Variants in FCAMR observed in about 807,000 individuals in gnomAD.
The protein encoded by FCAMR is Fc alpha and mu receptor.
Under a neutral mutation model 52.2 loss-of-function variants are expected in FCAMR, and 51 were observed. The ratio of observed to expected loss-of-function variants is 0.98; its 90% CI spans 0.78 to 1.23. The LOEUF is 1.23. Ranked by LOEUF, FCAMR falls within the 50% of genes most tolerant of loss-of-function variation. The pLI is 0.00. For missense variants in FCAMR, 719 were observed against 712.6 expected, an observed-to-expected ratio of 1.01 and a Z score of -0.10; for synonymous variants, 282 against 262.0, an observed-to-expected ratio of 1.08 and a Z score of -0.74.
At position 206,959,724 on chromosome 1, in the gene FCAMR, T is replaced by C; in HGVS notation, c.1528A>G (p.Met510Val). The C allele has an allele frequency of 6.2e-7, 1 of 1,614,052 alleles. No homozygotes were observed. The highest frequency in any genetic ancestry group is 1.3e-5 in the African/African-American group (1 of 74,974). The change falls in exon 7 of 8, where the codon ATG becomes GTG. Residue 510 changes from methionine to valine, a missense_variant. Physicochemically the swap from Met to Val is conservative, Grantham distance 21. Coordinates refer to ENST00000324852, the MANE Select transcript of FCAMR (RefSeq NM_001170631.2). ...VSTMLALFML[M>V]ALVLLQRKLW... ...TTCCTTTGCAATAGAACCAGAGCCA[T>C]AAGCATAAACAGGGCCAGCATGGTA...
At chr1:206,968,854 C>T (rs756253596) in intron 1 of FCAMR, among the ~76,000 whole-genome samples, 13 of 152,138 alleles carry the variant, frequency 8.5e-5, no homozygotes, top group Non-Finnish European at 1.8e-4. Flanking sequence ...GCAAGTTGTC[C>T]CCTCAGCTTG....
intron 7 of FCAMR, 54 bp downstream of exon 7, chr1:206,959,625 G>C (rs1680410358): frequency 7.1e-6 from 10 of 1,409,244 alleles, no homozygotes; most frequent in Non-Finnish European, 1.0e-5. Flanking sequence ...AGCCCTGAGG[G>C]TGTCAGGTGG....
intron 4 of FCAMR, 96 bp from the exon 5 acceptor site, chr1:206,962,647 A>G (rs1415734875): frequency 1.2e-5 from 12 of 999,700 alleles, no homozygotes; most frequent in Non-Finnish European, 1.7e-5. Flanking sequence ...ATTAGGGGTC[A>G]AGTCAGAAAA....
At chr1:206,958,739 T>C in intron 7 of FCAMR, 63 bp from the exon 8 acceptor site, 2 of 1,603,002 alleles carry the variant, frequency 1.2e-6, no homozygotes, top group South Asian at 2.2e-5. Flanking sequence ...TTTGATTTCC[T>C]AAGAACCACT....
At position 206,960,453 on chromosome 1, in the gene FCAMR, C is replaced by T. The variant is rs1239892388; in HGVS notation, c.1423G>A (p.Gly475Arg). The part of the protein sequence containing the change: ...LSQTPAVGPW[G>R]PPGKESSVKR... ...ACGGAGGACTCCTTGCCAGGGGGTC[C>T]CCAGGGTCCTACTGCCGGGGTCTGG... The change falls in exon 6 of 8, where the codon GGA (glycine) becomes AGA (arginine). Residue 475 changes from glycine to arginine, a missense_variant. By Grantham distance (125) the Gly-to-Arg change is moderately radical. Coordinates refer to ENST00000324852, the MANE Select transcript of FCAMR (RefSeq NM_001170631.2). 2.6e-6 allele frequency: 4 copies of T among 1,522,186 alleles called. No individual in the cohort carries two copies. The South Asian group carries it at 3.8e-5, about 15-fold the overall frequency. 94.3% of individuals were successfully genotyped at this position (1,522,186 alleles called of 1,614,324 possible).
In FCAMR at chr1:206,960,450, G is replaced by A. The variant is rs894552726; in HGVS notation, c.1426C>T (p.Pro476Ser). 10 of 1,515,622 alleles carry A rather than the reference G, an allele frequency of 6.6e-6. No individual in the cohort carries two copies. Among genetic ancestry groups the A allele is most frequent in the South Asian group, 6.4e-5 (5 of 77,612 alleles). The allele number at this position is 1,515,622 out of a possible 1,614,324, so 93.9% of individuals were successfully genotyped here. ...TTCACGGAGGACTCCTTGCCAGGGG[G>A]TCCCCAGGGTCCTACTGCCGGGGTC... is the stretch of plus-strand genomic sequence containing the variant. ...SQTPAVGPWGPPGKESSVKRT... is the reference protein window; with the variant it reads ...SQTPAVGPWGSPGKESSVKRT... The change falls in exon 6 of 8, where the codon CCC becomes TCC. Residue 476 changes from proline to serine, a missense_variant. Physicochemically the swap from Pro to Ser is moderately conservative, Grantham distance 74 (BLOSUM62 -1). Transcript: ENST00000324852.
chr1:206,965,578 C>T (rs540902208), intron 4 of FCAMR, 137 bp downstream of exon 4: 2 of 1,098,590 alleles, frequency 1.8e-6, no homozygotes, highest in African/African-American at 1.6e-5. Context: ...CTCATTGTTA[C>T]TCAGCAATTG....
At chr1:206,965,000 G>A (rs1005245030) in intron 4 of FCAMR, among the ~76,000 whole-genome samples, 4 of 152,186 alleles carry the variant, frequency 2.6e-5, no homozygotes, top group African/African-American at 9.7e-5. Flanking sequence ...TGCTGGAAGA[G>A]TAGAGGTCAT....
chr1:206,970,276 G>T lies in FCAMR; in HGVS notation c.-151C>A. 1 of 772,372 alleles carries T rather than the reference G, an allele frequency of 1.3e-6. No individual in the cohort carries two copies. The highest frequency in any genetic ancestry group is 2.5e-5 in the Admixed American group (1 of 39,242). The allele number at this position is 772,372 out of a possible 1,614,324, so 47.8% of individuals were successfully genotyped here. On this transcript the variant is annotated 5_prime_UTR_variant, in exon 1 of 8. Transcript: ENST00000324852. ...AGCTGGAGCTAGCAACGGAAGGTCG[G>T]GGTGCAAGGCGTAGCTCTGCCACTC...
chr1:206,962,677 C>G, intron 4 of FCAMR, 126 bp from the exon 5 acceptor site: 1 of 736,640 alleles, frequency 1.4e-6, no homozygotes, highest in Non-Finnish European at 2.1e-6. Context: ...GAACATGGAG[C>G]AGAATCAATA....
chr1:206,969,089 A>C (rs925205302), intron 1 of FCAMR: 23 of 291,428 alleles, frequency 7.9e-5, no homozygotes, highest in African/African-American at 4.9e-4. Context: ...TTGTTCCTGC[A>C]CCTAACTCAT....
chr1:206,970,214 C>T lies in FCAMR; in HGVS notation c.-89G>A. ...GACTTCTAGTTGCTCTCCTTTAAACCTGGAGACTGAGAAGTCAAGGTGGTA... is the reference window on the plus strand; with the variant it reads ...GACTTCTAGTTGCTCTCCTTTAAACTTGGAGACTGAGAAGTCAAGGTGGTA... On this transcript the variant is annotated 5_prime_UTR_variant, in exon 1 of 8. Coordinates refer to ENST00000324852, the MANE Select transcript of FCAMR (RefSeq NM_001170631.2). 6.8e-7 allele frequency: 1 copy of T among 1,472,298 alleles called. No individual in the cohort carries two copies. The highest frequency in any genetic ancestry group is 1.2e-5 in the South Asian group (1 of 85,702). The allele number at this position is 1,472,298 out of a possible 1,614,324, so 91.2% of individuals were successfully genotyped here.
chr1:206,960,320 T>A, intron 6 of FCAMR, 102 bp downstream of exon 6: 1 of 1,233,428 alleles, frequency 8.1e-7, no homozygotes, highest in Non-Finnish European at 1.1e-6. Context: ...GTCTTGTGGG[T>A]ACAAAGGGAG....
rs368409512 is a variant in FCAMR at position 206,965,821 on chromosome 1, C to T, written c.207G>A (p.Pro69=). The change falls in exon 4 of 8, where the codon CCG becomes CCA. Residue 69 remains proline (P), a synonymous_variant. Transcript: ENST00000324852. ...GGAGAGAGCCCTCCCACAGCCATCT[C>T]GGATGGGGTCTTTTTTGTGGAAGGG... is the stretch of plus-strand genomic sequence containing the variant. ...SFALPQKRPH[P]RWLWEGSLPS... The T allele has an allele frequency of 1.0e-4, 165 of 1,603,794 alleles. No homozygotes were observed. The African/African-American group carries it at 1.9e-3, about 18-fold the overall frequency.
intron 3 of FCAMR, 129 bp downstream of exon 3, chr1:206,966,923 A>G (rs1680734081): frequency 2.5e-6 from 2 of 796,430 alleles, no homozygotes; most frequent in Non-Finnish European, 4.2e-6. Flanking sequence ...AGATGGAGCC[A>G]TTTGTCATCT....
chr1:206,963,906 G>A (rs1272430447), intron 4 of FCAMR, among the ~76,000 whole-genome samples: 5 of 152,170 alleles, frequency 3.3e-5, no homozygotes, highest in Admixed American at 6.5e-5. Flanking sequence ...CCACCCACAA[G>A]CCTATGACTT....
rs1386406994 is a variant in FCAMR, at chr1:206,960,880, G to A, written c.996C>T (p.Ser332=). The A allele has an allele frequency of 2.6e-6, 4 of 1,552,224 alleles. No homozygotes were observed. The highest frequency in any genetic ancestry group is 3.5e-6 in the Non-Finnish European group (4 of 1,147,144). The part of the protein sequence containing the change: ...TTEGVWEGTR[S]SVTNRARASK... ...TGGCTCTAGCCCTGTTTGTCACCGAGCTTCTGGTGCCCTCCCAAACACCTT... is the reference window on the plus strand; with the variant it reads ...TGGCTCTAGCCCTGTTTGTCACCGAACTTCTGGTGCCCTCCCAAACACCTT... Residue 332 remains serine (S), a synonymous_variant, in exon 6 of 8, where the codon AGC becomes AGT. Transcript: ENST00000324852.
At chr1:206,962,883 C>T (rs530691498) in intron 4 of FCAMR, among the ~76,000 whole-genome samples, 3 of 152,320 alleles carry the variant, frequency 2.0e-5, no homozygotes, top group South Asian at 4.1e-4. Flanking sequence ...CATGAGAGGG[C>T]TGAGGCAACA....
At chr1:206,969,334 G>A (rs1447446728) in intron 1 of FCAMR, 5 of 455,986 alleles carry the variant, frequency 1.1e-5, no homozygotes, top group South Asian at 7.8e-5. Context: ...AATGTTTCCA[G>A]GGAGTTATCA....
Sources: gnomAD v4.1 joint callset for allele counts (sites outside exome capture counted in the v4.1 genomes callset) on GRCh38, gnomAD v4.1.1 for gene constraint, MANE v1.5 for transcripts, NCBI Gene and HGNC (gene_info 2026-07-23, HGNC 2026-07-21) for gene names.